Variants in CSMD1 observed in about 807,000 individuals in gnomAD.
CSMD1 encodes the protein CUB and sushi domain-containing protein 1.
CSMD1 carries 213 observed loss-of-function variants against 417.5 expected under a neutral mutation model. The observed-to-expected ratio is 0.51, with a 90% CI of 0.46 to 0.57. CSMD1 has a LOEUF of 0.57. Among genes scored for constraint, CSMD1 ranks in the 20% least tolerant of loss-of-function variants. CSMD1 has a pLI of 0.00. For missense variants in CSMD1, 6,923 were observed against 4,529.7 expected (o/e 1.53, Z -15.17); for synonymous variants, 2,862 against 1,736.8 (o/e 1.65, Z -16.11).
chr8:4,101,226 T>A (rs1034253282), intron 3 of CSMD1, among the ~76,000 whole-genome samples: 1 of 152,230 alleles, frequency 6.6e-6, no homozygotes, highest in Admixed American at 6.5e-5. Context: ...GTTTTCCTTT[T>A]GTTTTTTGCT....
intron 5 of CSMD1, among the ~76,000 whole-genome samples, chr8:3,838,524 C>T (rs1356498042): frequency 1.6e-5 from 2 of 128,070 alleles, no homozygotes; most frequent in African/African-American, 5.9e-5. Flanking sequence ...ATAATATAGC[C>T]TATATATATA....
At chr8:3,071,434 G>C (rs1042544508) in intron 49 of CSMD1, among the ~76,000 whole-genome samples, 1 of 152,102 alleles carries the variant, frequency 6.6e-6, no homozygotes, top group Non-Finnish European at 1.5e-5. Flanking sequence ...TGAGTTGACA[G>C]ATGCAGCAAA....
chr8:4,138,044 ATTTTTTTTTTTTTTTTTTTTTTTTTTT>A (rs55993904), intron 3 of CSMD1, among the ~76,000 whole-genome samples: 21 of 62,708 alleles, frequency 3.3e-4, no homozygotes, highest in Middle Eastern at 9.6e-3. Flanking sequence ...TGCCCGGCTA[ATTTTTTTTTTTTTTTTTTTTTTTTTTT>A]TTTTTTTTTT....
intron 1 of CSMD1, among the ~76,000 whole-genome samples, chr8:4,844,660 G>A (rs1468786737): frequency 6.6e-6 from 1 of 152,034 alleles, no homozygotes; most frequent in Non-Finnish European, 1.5e-5. Flanking sequence ...TAATTTTTTA[G>A]GATCAAAAAG....
At chr8:3,041,821 G>C (rs184976894) in intron 50 of CSMD1, among the ~76,000 whole-genome samples, 1 of 152,268 alleles carries the variant, frequency 6.6e-6, no homozygotes, top group South Asian at 2.1e-4. Flanking sequence ...ATCAAATGGC[G>C]GTAAACCCCA....
At chr8:4,328,022 G>T (rs535723774) in intron 3 of CSMD1, among the ~76,000 whole-genome samples, 1 of 152,194 alleles carries the variant, frequency 6.6e-6, no homozygotes, top group African/African-American at 2.4e-5. Flanking sequence ...ATGATAAGAG[G>T]TACTTAGCGT....
In CSMD1 at chr8:4,650,591, G is replaced by A. The variant is rs572524034; in HGVS notation, c.86-13033C>T. Among the ~76,000 whole-genome samples the A allele has an allele frequency of 2.0e-4, 31 of 151,976 alleles. 1 individual carries two copies. In the South Asian group the frequency reaches 6.4e-3, roughly 32 times the overall value. ...ACATTGAAACTCCACGGAGAATTCG[G>A]ATTTGCTATACAAAGTATTTTGGCA... On this transcript the variant is annotated intron_variant, in intron 1 of 69. Coordinates refer to ENST00000635120, the MANE Select transcript of CSMD1 (RefSeq NM_033225.6).
At chr8:4,449,088 G>C (rs1000995289) in intron 2 of CSMD1, among the ~76,000 whole-genome samples, 1 of 152,174 alleles carries the variant, frequency 6.6e-6, no homozygotes, top group Non-Finnish European at 1.5e-5. Flanking sequence ...TAAGGAGATT[G>C]AATAGCTTAA....
At chr8:3,899,921 T>G (rs1563191410) in intron 5 of CSMD1, among the ~76,000 whole-genome samples, 1 of 152,248 alleles carries the variant, frequency 6.6e-6, no homozygotes, top group Non-Finnish European at 1.5e-5. Flanking sequence ...CTTTAATGTG[T>G]AAAATATTTA....
intron 7 of CSMD1, among the ~76,000 whole-genome samples, chr8:3,650,149 G>A (rs529657290): frequency 6.6e-6 from 1 of 152,020 alleles, no homozygotes; most frequent in Non-Finnish European, 1.5e-5. Flanking sequence ...CATGGTGGTG[G>A]GTGTCTGTAA....
At chr8:4,741,505 A>G (rs1810602902) in intron 1 of CSMD1, among the ~76,000 whole-genome samples, 1 of 152,182 alleles carries the variant, frequency 6.6e-6, no homozygotes, top group African/African-American at 2.4e-5. Flanking sequence ...TAGAATCCGT[A>G]AGCATGATCA....
At chr8:4,988,428 G>C (rs907767470) in intron 1 of CSMD1, among the ~76,000 whole-genome samples, 2 of 152,058 alleles carry the variant, frequency 1.3e-5, no homozygotes, top group Non-Finnish European at 2.9e-5. Context: ...AATAAAATAC[G>C]TAAGTTATTT....
rs1299816294 is a variant in CSMD1, at chr8:3,214,782, A to G, written c.4673-91T>C. Reference sequence around the variant, plus strand: ...GTTGGGTTGGTTCTTTAATTGTGTTATTTAGGGCCTAGAACAATGTCCTAA... The same window carrying G: ...GTTGGGTTGGTTCTTTAATTGTGTTGTTTAGGGCCTAGAACAATGTCCTAA... On this transcript the variant is annotated intron_variant, in intron 29 of 69. Transcript: ENST00000635120. The G allele has an allele frequency of 3.1e-6, 3 of 958,374 alleles. No homozygotes were observed. In the Admixed American group the frequency reaches 8.3e-5, roughly 27 times the overall value. 59.4% of individuals were successfully genotyped at this position (958,374 alleles called of 1,614,324 possible). A position where few individuals can be genotyped will look rare whatever the true frequency, so the allele number is the denominator to read the frequency against.
intron 1 of CSMD1, among the ~76,000 whole-genome samples, chr8:4,840,823 A>G (rs1213555340): frequency 6.6e-6 from 1 of 152,256 alleles, no homozygotes; most frequent in Non-Finnish European, 1.5e-5. Flanking sequence ...GATTAAGTAT[A>G]GAATCATGAG....
intron 52 of CSMD1, among the ~76,000 whole-genome samples, chr8:3,007,251 G>T (rs896780862): frequency 6.7e-6 from 1 of 148,708 alleles, no homozygotes; most frequent in African/African-American, 2.6e-5. Context: ...TTAGAATGGC[G>T]ATCATTAAAA....
At chr8:3,548,558 T>C (rs1290246379) in intron 10 of CSMD1, among the ~76,000 whole-genome samples, 3 of 151,774 alleles carry the variant, frequency 2.0e-5, no homozygotes, top group Non-Finnish European at 2.9e-5. Context: ...TGGTTTTCCA[T>C]TCCTGAGTTA....
intron 6 of CSMD1, among the ~76,000 whole-genome samples, chr8:3,744,392 G>A (rs975417187): frequency 6.6e-6 from 1 of 152,098 alleles, no homozygotes; most frequent in Non-Finnish European, 1.5e-5. Flanking sequence ...TGGAACCCAG[G>A]TTAATGAATT....
chr8:4,709,809 A>G lies in CSMD1; in HGVS notation c.86-72251T>C, dbSNP rs1037649543. 2.0e-5 allele frequency among the ~76,000 whole-genome samples: 3 copies of G among 152,268 alleles called. No homozygotes were observed. The South Asian group carries it at 6.2e-4, about 32-fold the overall frequency. On this transcript the variant is annotated intron_variant, in intron 1 of 69. Coordinates refer to ENST00000635120, the MANE Select transcript of CSMD1 (RefSeq NM_033225.6). Reference sequence around the variant, plus strand: ...ACAGGGGAAAGAGGCAGGAGAGGAAAAGAGCACAGTGTCCAGTCGTCCCGC... The same window carrying G: ...ACAGGGGAAAGAGGCAGGAGAGGAAGAGAGCACAGTGTCCAGTCGTCCCGC...
At chr8:4,275,132 G>C (rs544273150) in intron 3 of CSMD1, among the ~76,000 whole-genome samples, 244 of 152,248 alleles carry the variant, frequency 1.6e-3, no homozygotes, top group Non-Finnish European at 2.9e-3. Context: ...ACCAATGATA[G>C]TCAATAAAAG....
Sources: gnomAD v4.1 joint callset for allele counts (sites outside exome capture counted in the v4.1 genomes callset) on GRCh38, gnomAD v4.1.1 for gene constraint, MANE v1.5 for transcripts, NCBI Gene and HGNC (gene_info 2026-07-23, HGNC 2026-07-21) for gene names.